The following HMGXB3 variants were observed in gnomAD, a reference collection of about 807,000 sequenced individuals.
HMGXB3 encodes HMG-box containing 3, also known as HMG domain-containing protein 3.
HMGXB3 carries 45 observed loss-of-function variants against 121.5 expected under a neutral mutation model. The observed-to-expected ratio is 0.37, with a 90% CI of 0.29 to 0.47. The LOEUF is 0.47. Among genes scored for constraint, HMGXB3 ranks in the 20% least tolerant of loss-of-function variants. The pLI is 0.99. For missense variants in HMGXB3, 1,376 were observed against 1,602.2 expected (o/e 0.86, Z 2.41); for synonymous variants, 590 against 624.1 (o/e 0.95, Z 0.81).
chr5:150,010,425 C>T lies in HMGXB3; in HGVS notation c.627C>T (p.Ile209=), dbSNP rs1476642720. 2.6e-6 allele frequency: 4 copies of T among 1,551,622 alleles called. No individual in the cohort carries two copies. Among genetic ancestry groups the T allele is most frequent in the Non-Finnish European group, 3.5e-6 (4 of 1,146,982 alleles). Residue 209 remains isoleucine, a synonymous_variant, in exon 4 of 20, where the codon ATC becomes ATT. Transcript: ENST00000502717. ...TACAGGAGATTGCCACCTCAGAGAT[C>T]CTCAGCCAGGATGTGCTCCTAGAGG... ...GAVQEIATSE[I]LSQDVLLEDA...
chr5:150,003,869 T>C (rs1755634589), intron 1 of HMGXB3, among the ~76,000 whole-genome samples: 1 of 151,926 alleles, frequency 6.6e-6, no homozygotes, highest in Non-Finnish European at 1.5e-5. Context: ...GTGGAAGGAT[T>C]GCTGAGCCCA....
rs1380200981 is a variant in HMGXB3, at chr5:150,010,574, T to G, written c.776T>G (p.Val259Gly). The change falls in exon 4 of 20, where the codon GTT (valine) becomes GGT (glycine). Residue 259 changes from valine (V) to glycine (G), a missense_variant. Coordinates refer to ENST00000502717, the MANE Select transcript of HMGXB3 (RefSeq NM_014983.3). ...TGSLAVPHPQ[V>G]GESVSVVTVM... The stretch of plus-strand genomic sequence containing the variant: ...AGCCTGGCTGTGCCCCACCCCCAGG[T>G]TGGGGAGAGTGTATCAGTGGTAACA... 6.4e-7 allele frequency: 1 copy of G among 1,551,136 alleles called. No individual in the cohort carries two copies. Among genetic ancestry groups the G allele is most frequent in the Non-Finnish European group, 8.7e-7 (1 of 1,146,882 alleles).
chr5:150,047,581 A>C, intron 16 of HMGXB3, 43 bp from the exon 17 acceptor site: 1 of 1,549,748 alleles, frequency 6.5e-7, no homozygotes, highest in Non-Finnish European at 8.7e-7. Context: ...GCCTCTGGTG[A>C]CTGGCGGCAG....
intron 7 of HMGXB3, among the ~76,000 whole-genome samples, chr5:150,026,456 G>A (rs989167719): frequency 5.3e-5 from 8 of 152,104 alleles, no homozygotes; most frequent in Admixed American, 3.3e-4. Flanking sequence ...CTGTGTCTTC[G>A]CAATGACCCC....
chr5:150,018,749 TGTTTGCC>T, intron 6 of HMGXB3, 52 bp downstream of exon 6: 1 of 1,493,854 alleles, frequency 6.7e-7, no homozygotes, highest in Non-Finnish European at 9.0e-7. Context: ...ATAGACTTTC[TGTTTGCC>T]ATTAGGAACA....
chr5:150,022,046 A>G, intron 6 of HMGXB3: 1 of 269,918 alleles, frequency 3.7e-6, no homozygotes, highest in South Asian at 3.6e-5. Context: ...GTCTTCCTCA[A>G]AGAGCAAAAC....
intron 6 of HMGXB3, 104 bp from the exon 7 acceptor site, chr5:150,024,158 G>A: frequency 1.1e-6 from 1 of 950,984 alleles, no homozygotes; most frequent in Non-Finnish European, 1.5e-6. Flanking sequence ...ATGGACCTTA[G>A]TTTCCTTATT....
In HMGXB3 at chr5:150,010,328, G is replaced by A. The variant is rs867658152; in HGVS notation, c.530G>A (p.Gly177Asp). 4.5e-6 allele frequency: 7 copies of A among 1,551,634 alleles called. No individual in the cohort carries two copies. The highest frequency in any genetic ancestry group is 1.2e-5 in the South Asian group (1 of 84,066). Residue 177 changes from glycine (G) to aspartate (D), a missense_variant, in exon 4 of 20, where the codon GGC becomes GAC. Transcript: ENST00000502717. Reference sequence around the variant, plus strand: ...CCGGAGACAGTGCCCAGCCATGCAGGCATGGCAGAGCAGTGCCTGGCTGTG... The same window carrying A: ...CCGGAGACAGTGCCCAGCCATGCAGACATGGCAGAGCAGTGCCTGGCTGTG... ...TAPETVPSHA[G>D]MAEQCLAVEA...
chr5:150,032,756 C>T (rs548785276), intron 11 of HMGXB3, among the ~76,000 whole-genome samples, 153 bp downstream of exon 11: 13 of 152,250 alleles, frequency 8.5e-5, no homozygotes, highest in Admixed American at 4.6e-4. Flanking sequence ...GAGCAAGTGC[C>T]GCCTTTTCTC....
At chr5:150,006,730 C>G in intron 3 of HMGXB3, 83 bp downstream of exon 3, 4 of 1,250,264 alleles carry the variant, frequency 3.2e-6, no homozygotes, top group Non-Finnish European at 3.3e-6. Context: ...TGTTCTGTTT[C>G]CTTTTCTTTT....
chr5:150,021,657 G>C (rs969040015), intron 6 of HMGXB3: 1 of 526,836 alleles, frequency 1.9e-6, no homozygotes, highest in African/African-American at 1.9e-5. Flanking sequence ...GACTGTGCAA[G>C]TCAATTAGTT....
In HMGXB3 at chr5:150,013,259, A is replaced by T. The variant is rs1006512776; in HGVS notation, c.909+906A>T. 2.0e-5 allele frequency among the ~76,000 whole-genome samples: 3 copies of T among 152,180 alleles called. No homozygotes were observed. In the East Asian group the frequency reaches 5.8e-4, roughly 29 times the overall value. On this transcript the variant is annotated intron_variant, in intron 5 of 19. Transcript: ENST00000502717. ...TTATCATGTTTAGGTAGTTCCCTCT[A>T]TTCCTAATTTTCTGAAAGCTTTTAT...
chr5:150,035,047 A>G (rs1199729769), intron 11 of HMGXB3, among the ~76,000 whole-genome samples: 1 of 152,224 alleles, frequency 6.6e-6, no homozygotes, highest in African/African-American at 2.4e-5. Flanking sequence ...TGAAGAGCTT[A>G]CAGTCTAGTG....
intron 2 of HMGXB3, among the ~76,000 whole-genome samples, chr5:150,005,620 GAA>G (rs1210863721): frequency 2.1e-5 from 3 of 144,106 alleles, no homozygotes; most frequent in Non-Finnish European, 3.0e-5. Context: ...AAAAAGAAAA[GAA>G]AAAGAAAAAA....
chr5:150,030,066 C>T (rs1206266670), intron 9 of HMGXB3, among the ~76,000 whole-genome samples: 1 of 152,200 alleles, frequency 6.6e-6, no homozygotes, highest in African/African-American at 2.4e-5. Context: ...TAAAGAGGTA[C>T]ATGAGATATT....
rs771617575 is a variant in HMGXB3, at chr5:150,047,666, G to A, written c.2993G>A (p.Cys998Tyr). 3 of 1,551,750 alleles carry A rather than the reference G, an allele frequency of 1.9e-6. No individual in the cohort carries two copies. The highest frequency in any genetic ancestry group is 1.7e-4 in the Middle Eastern group (1 of 5,992). Reference sequence around the variant, plus strand: ...GTGAGGCTGCTCCAGGAGGGCACCTGCAAGCTTGATGAGATTGGCTCCTAC... The same window carrying A: ...GTGAGGCTGCTCCAGGAGGGCACCTACAAGCTTGATGAGATTGGCTCCTAC... ...ALVRLLQEGT[C>Y]KLDEIGSYSE... The change falls in exon 17 of 20, where the codon TGC becomes TAC. Residue 998 changes from cysteine to tyrosine, a missense_variant. Physicochemically the swap from Cys to Tyr is radical, Grantham distance 194 (BLOSUM62 -2). This residue lies in a region of HMGXB3 where 1,116 missense variants were observed against 1,369.0 expected (regional missense o/e 0.82). Transcript: ENST00000502717.
At chr5:150,050,582 A>G (rs1756867296) in intron 19 of HMGXB3, 121 bp downstream of exon 19, 2 of 735,270 alleles carry the variant, frequency 2.7e-6, no homozygotes, top group Admixed American at 2.4e-5. Flanking sequence ...CCCAGGTTCA[A>G]GCAGTTCTCG....
At chr5:150,024,174 C>A in intron 6 of HMGXB3, 88 bp from the exon 7 acceptor site, 1 of 1,062,100 alleles carries the variant, frequency 9.4e-7, no homozygotes, top group Non-Finnish European at 1.3e-6. Context: ...TTATTTATTG[C>A]CCATATGTTA....
chr5:150,050,114 T>C (rs1283428710), intron 18 of HMGXB3, 138 bp from the exon 19 acceptor site: 1 of 713,928 alleles, frequency 1.4e-6, no homozygotes. Context: ...CAGCATGCCA[T>C]GGGCTCTGGC....
Sources: gnomAD v4.1 joint callset for allele counts (sites outside exome capture counted in the v4.1 genomes callset) on GRCh38, gnomAD v4.1.1 for gene constraint, gnomAD v4.1.1 regional missense constraint, MANE v1.5 for transcripts, NCBI Gene and HGNC (gene_info 2026-07-23, HGNC 2026-07-21) for gene names.